The following NDUFAF6 variants were observed in gnomAD, a reference collection of about 807,000 sequenced individuals.
The protein encoded by NDUFAF6 is NADH:ubiquinone oxidoreductase complex assembly factor 6, also known as NADH dehydrogenase (ubiquinone) complex I, assembly factor 6.
Under a neutral mutation model 40.8 loss-of-function variants are expected in NDUFAF6, and 45 were observed. The ratio of observed to expected loss-of-function variants is 1.10; its 90% CI spans 0.87 to 1.42. The LOEUF (loss-of-function observed/expected upper bound fraction) is 1.42, where lower values mean the gene tolerates loss of function less well. Ranked by LOEUF, NDUFAF6 falls within the 40% of genes most tolerant of loss-of-function variation. The pLI, the probability that NDUFAF6 is intolerant of heterozygous loss-of-function variation, is 0.00. For synonymous variants in NDUFAF6, 185 were observed against 155.9 expected, an observed-to-expected ratio of 1.19 and a Z score of -1.39; for missense variants, 435 against 418.5, an observed-to-expected ratio of 1.04 and a Z score of -0.34.
rs189558126 is a variant in NDUFAF6, at chr8:95,012,867, T to C, written c.-83-19128T>C. Among the ~76,000 whole-genome samples the C allele has an allele frequency of 5.2e-3, 784 of 152,134 alleles. 6 individuals carry two copies. Among genetic ancestry groups the C allele is most frequent in the African/African-American group, 0.018 (744 of 41,520 alleles). On this transcript the variant is annotated intron_variant, in intron 2 of 9. Coordinates refer to the NDUFAF6 transcript ENST00000396111. Reference sequence around the variant, plus strand: ...CCCTTTTAATGGGTAATAAAAACTATGTAACTCCATAGATGGTTACTGGCA... The same window carrying C: ...CCCTTTTAATGGGTAATAAAAACTACGTAACTCCATAGATGGTTACTGGCA...
intron 2 of NDUFAF6, among the ~76,000 whole-genome samples, chr8:95,086,658 G>A (rs564745226): frequency 6.7e-6 from 1 of 149,640 alleles, no homozygotes; most frequent in Non-Finnish European, 1.5e-5. Flanking sequence ...CTGGAGTGCA[G>A]TGGCGCGATC....
intron 1 of NDUFAF6, among the ~76,000 whole-genome samples, chr8:94,905,510 T>G (rs1818337700): frequency 6.6e-6 from 1 of 152,130 alleles, no homozygotes. Flanking sequence ...TCCTCTGACT[T>G]TAGGATCCTA....
intron 4 of NDUFAF6, among the ~76,000 whole-genome samples, chr8:95,113,460 G>C (rs1810051255): frequency 6.6e-6 from 1 of 152,126 alleles, no homozygotes; most frequent in South Asian, 2.1e-4. Context: ...ATGATACAGT[G>C]AGGTGCAGAG....
At chr8:95,022,531 C>CA (rs1199785178), upstream of NDUFAF6, among the ~76,000 whole-genome samples, 1 of 143,910 alleles carries the variant, frequency 6.9e-6, no homozygotes, top group African/African-American at 2.6e-5. Flanking sequence ...GATAGTAAGA[C>CA]AACTACTAGA....
At chr8:95,082,590 T>G (rs1004477626) in intron 2 of NDUFAF6, among the ~76,000 whole-genome samples, 83 of 71,928 alleles carry the variant, frequency 1.2e-3, no homozygotes, top group Non-Finnish European at 1.4e-3. Context: ...GGGGCGGGGG[T>G]GGGAGGAGCT....
intron 2 of NDUFAF6, among the ~76,000 whole-genome samples, chr8:95,094,667 G>A (rs781009908): frequency 2.4e-4 from 36 of 151,062 alleles, no homozygotes; most frequent in South Asian, 8.3e-4. Flanking sequence ...TGCCCACCTC[G>A]GCCTCCCAGA....
intron 1 of NDUFAF6, among the ~76,000 whole-genome samples, chr8:95,025,920 C>G (rs963623115): frequency 2.6e-5 from 4 of 152,288 alleles, no homozygotes; most frequent in African/African-American, 9.6e-5. Flanking sequence ...GCGGCAGGGA[C>G]CCCTGGGAAT....
chr8:94,953,726 A>G (rs1289736196), upstream of NDUFAF6, among the ~76,000 whole-genome samples: 2 of 152,240 alleles, frequency 1.3e-5, no homozygotes, highest in Non-Finnish European at 2.9e-5. Flanking sequence ...TCTCAAAAGG[A>G]TGCAGATGAT....
At chr8:95,070,357 T>C (rs556769437) in intron 9 of NDUFAF6, among the ~76,000 whole-genome samples, 1 of 152,224 alleles carries the variant, frequency 6.6e-6, no homozygotes, top group African/African-American at 2.4e-5. Flanking sequence ...AGTGTACATA[T>C]GTGTTTGCCA....
intron 1 of NDUFAF6, among the ~76,000 whole-genome samples, chr8:94,974,112 T>G (rs7827478): frequency 0.67 from 101,733 of 151,890 alleles, 34,588 homozygotes; most frequent in East Asian, 0.78. Context: ...CACCCTGCAC[T>G]GTGGCCATTA....
intron 1 of NDUFAF6, among the ~76,000 whole-genome samples, chr8:94,904,595 T>G (rs1376240119): frequency 6.6e-6 from 1 of 152,112 alleles, no homozygotes; most frequent in Non-Finnish European, 1.5e-5. Context: ...TTTTTACTTT[T>G]CTTGATTCTG....
At chr8:95,033,740 G>C (rs971686645) in intron 2 of NDUFAF6, among the ~76,000 whole-genome samples, 1 of 152,166 alleles carries the variant, frequency 6.6e-6, no homozygotes, top group African/African-American at 2.4e-5. Flanking sequence ...GGAGTGAGCT[G>C]TACAGATATG....
intron 3 of NDUFAF6, among the ~76,000 whole-genome samples, chr8:95,039,646 A>G (rs2678833): frequency 1 from 151,991 of 151,992 alleles, 75,995 homozygotes; most frequent in Non-Finnish European, 1. Context: ...TTTTTTCCTA[A>G]AGATAGGATC....
intron 8 of NDUFAF6, among the ~76,000 whole-genome samples, chr8:95,054,579 C>T (rs907275485): frequency 1.1e-4 from 16 of 152,064 alleles, no homozygotes; most frequent in African/African-American, 3.4e-4. Context: ...GGATTACAGG[C>T]ATGCGCCACC....
intron 2 of NDUFAF6, among the ~76,000 whole-genome samples, chr8:95,084,651 T>C (rs6471509): frequency 6.6e-6 from 1 of 152,006 alleles, no homozygotes; most frequent in Non-Finnish European, 1.5e-5. Flanking sequence ...TGTGAATTCA[T>C]TTGGCTTCCT....
At chr8:94,963,599 G>A (rs1823774523) in intron 1 of NDUFAF6, among the ~76,000 whole-genome samples, 1 of 152,206 alleles carries the variant, frequency 6.6e-6, no homozygotes, top group Admixed American at 6.5e-5. Context: ...AGCTGGAGAC[G>A]GGTTGGAACA....
intron 1 of NDUFAF6, among the ~76,000 whole-genome samples, chr8:94,919,227 G>A (rs1446864195): frequency 6.6e-6 from 1 of 151,936 alleles, no homozygotes; most frequent in African/African-American, 2.4e-5. Flanking sequence ...TGTCACCCAG[G>A]TTGGAGTGCA....
chr8:95,004,966 G>A (rs1826896152), intron 2 of NDUFAF6, among the ~76,000 whole-genome samples: 1 of 152,138 alleles, frequency 6.6e-6, no homozygotes, highest in Non-Finnish European at 1.5e-5. Context: ...CAAATCTGTA[G>A]GCCCAAGTAA....
At chr8:95,104,929 C>A (rs1206594616), downstream of NDUFAF6, among the ~76,000 whole-genome samples, 2 of 151,940 alleles carry the variant, frequency 1.3e-5, no homozygotes, top group Non-Finnish European at 2.9e-5. Flanking sequence ...GATCAGGAAA[C>A]AAAAGGATGC....
Sources: allele counts gnomAD v4.1 joint callset (sites outside exome capture counted in the v4.1 genomes callset), GRCh38; gene constraint gnomAD v4.1.1; transcripts MANE v1.5; gene names NCBI Gene and HGNC (gene_info 2026-07-23, HGNC 2026-07-21).